The following ZMPSTE24 variants were observed in gnomAD, a reference collection of about 807,000 sequenced individuals.
The protein encoded by ZMPSTE24 is CAAX prenyl protease 1 homolog.
In ZMPSTE24, 48 loss-of-function variants were observed where a neutral mutation model predicts 56.7. That is an observed-to-expected ratio of 0.85 (90% CI 0.67 to 1.08). ZMPSTE24 has a LOEUF of 1.08. Among genes scored for constraint, ZMPSTE24 ranks in the 50% least tolerant of loss-of-function variants. ZMPSTE24 has a pLI of 0.00. For synonymous variants in ZMPSTE24, 172 were observed against 195.2 expected (o/e 0.88, Z 0.99); for missense variants, 503 against 548.7 (o/e 0.92, Z 0.83).
chr1:40,268,044 G>T (rs981564807), intron 3 of ZMPSTE24, among the ~76,000 whole-genome samples, 172 bp downstream of exon 3: 3 of 152,204 alleles, frequency 2.0e-5, no homozygotes, highest in Non-Finnish European at 4.4e-5. Flanking sequence ...ACAAATCCCA[G>T]AATATCACAG....
rs1643858658 is a variant in ZMPSTE24, at chr1:40,292,942, A to G, written c.*273A>G. 5.4e-6 allele frequency: 2 copies of G among 367,356 alleles called. No homozygotes were observed. The highest frequency in any genetic ancestry group is 8.4e-5 in the Admixed American group (2 of 23,696). 22.8% of individuals were successfully genotyped at this position (367,356 alleles called of 1,614,324 possible). ...GTTGTAAAATTATTTGGAAAAATAC[A>G]GAACTCGTTTTATTTGTATACTTAT... is the stretch of plus-strand genomic sequence containing the variant. On this transcript the variant is annotated 3_prime_UTR_variant, in exon 10 of 10. Coordinates refer to ENST00000372759, the MANE Select transcript of ZMPSTE24 (RefSeq NM_005857.5).
At position 40,270,117 on chromosome 1, in the gene ZMPSTE24, T is replaced by G; in HGVS notation, c.617T>G (p.Val206Gly). The G allele has an allele frequency of 6.2e-7, 1 of 1,614,004 alleles. No homozygotes were observed. Among genetic ancestry groups the G allele is most frequent in the Non-Finnish European group, 8.5e-7 (1 of 1,179,944 alleles). The change falls in exon 5 of 10, where the codon GTT (valine) becomes GGT (glycine). Residue 206 changes from valine to glycine, a missense_variant. Val to Gly is a moderately radical substitution (Grantham distance 109, BLOSUM62 -3). Transcript: ENST00000372759. ...FFIYAWLFTLVVSLVLVTIYA... is the reference protein window; with the variant it reads ...FFIYAWLFTLGVSLVLVTIYA... Reference sequence around the variant, plus strand: ...ATTTATGCCTGGCTGTTCACATTAGTTGTGTCTCTGGTGAGTAAAATCTTT... The same window carrying G: ...ATTTATGCCTGGCTGTTCACATTAGGTGTGTCTCTGGTGAGTAAAATCTTT...
chr1:40,281,530 G>A lies in ZMPSTE24; in HGVS notation c.954+3G>A, dbSNP rs112612481. On this transcript the variant is annotated splice_donor_region_variant and intron_variant, in intron 7 of 9. Transcript: ENST00000372759. Reference sequence around the variant, plus strand: ...AAGAAATAAAAGCTAAAGTTAAAGTGAGTTATTTTTTCCTAAGAGATTCTA... The same window carrying A: ...AAGAAATAAAAGCTAAAGTTAAAGTAAGTTATTTTTTCCTAAGAGATTCTA... 950 of 1,613,510 alleles carry A rather than the reference G, an allele frequency of 5.9e-4. 13 individuals carry two copies. In the African/African-American group the frequency reaches 0.011, roughly 19 times the overall value.
At chr1:40,268,777 T>TA (rs1643582163) in intron 4 of ZMPSTE24, among the ~76,000 whole-genome samples, 2 of 151,740 alleles carry the variant, frequency 1.3e-5, no homozygotes, top group South Asian at 4.2e-4. Context: ...AACACTGATT[T>TA]TAAAAAAAAA....
At chr1:40,280,138 C>T (rs563773209) in intron 6 of ZMPSTE24, among the ~76,000 whole-genome samples, 5 of 152,244 alleles carry the variant, frequency 3.3e-5, no homozygotes, top group South Asian at 2.1e-4. Flanking sequence ...AAATGCCAAA[C>T]GACCGTAGAA....
intron 9 of ZMPSTE24, among the ~76,000 whole-genome samples, chr1:40,291,839 C>CT (rs769515049): frequency 0.014 from 1,820 of 132,910 alleles, 26 homozygotes; most frequent in African/African-American, 0.03. Flanking sequence ...TCTTAAAACT[C>CT]TTTTTTTTTT....
intron 6 of ZMPSTE24, among the ~76,000 whole-genome samples, chr1:40,276,424 C>G (rs565709032): frequency 1.1e-4 from 17 of 152,098 alleles, no homozygotes; most frequent in African/African-American, 4.1e-4. Context: ...AGGAAGAAAA[C>G]CAGGAGAAAC....
At chr1:40,269,761 C>T (rs571055640) in intron 4 of ZMPSTE24, among the ~76,000 whole-genome samples, 57 of 152,306 alleles carry the variant, frequency 3.7e-4, no homozygotes, top group African/African-American at 1.3e-3. Context: ...CCACTGCACT[C>T]GTCCTCAGTT....
chr1:40,290,761 C>T, intron 8 of ZMPSTE24, 93 bp from the exon 9 acceptor site: 1 of 1,526,426 alleles, frequency 6.6e-7, no homozygotes, highest in South Asian at 1.1e-5. Context: ...CGCGCCCGGC[C>T]ACACTGTGAT....
At chr1:40,279,692 G>A (rs1643707720) in intron 6 of ZMPSTE24, among the ~76,000 whole-genome samples, 1 of 152,260 alleles carries the variant, frequency 6.6e-6, no homozygotes, top group Middle Eastern at 3.4e-3. Context: ...TGCGATGTTC[G>A]GTTGGGTGTT....
chr1:40,280,309 C>T (rs1466569959), intron 6 of ZMPSTE24, among the ~76,000 whole-genome samples: 3 of 152,150 alleles, frequency 2.0e-5, no homozygotes, highest in African/African-American at 7.2e-5. Flanking sequence ...ACCACCACTG[C>T]GCTGTACGTT....
chr1:40,268,267 T>C, intron 3 of ZMPSTE24, 152 bp from the exon 4 acceptor site: 1 of 667,146 alleles, frequency 1.5e-6, no homozygotes. Flanking sequence ...AAGTAAACTT[T>C]TTTGAAGGCA....
At chr1:40,273,543 T>A (rs866017347) in intron 6 of ZMPSTE24, among the ~76,000 whole-genome samples, 623 of 61,364 alleles carry the variant, frequency 0.01, 13 homozygotes, top group African/African-American at 0.046. Flanking sequence ...AAAAAATATA[T>A]ATATATATAT....
chr1:40,275,096 G>A (rs1443328790), intron 6 of ZMPSTE24, among the ~76,000 whole-genome samples: 2 of 151,970 alleles, frequency 1.3e-5, no homozygotes, highest in Non-Finnish European at 2.9e-5. Flanking sequence ...AACCAACTGT[G>A]GCTGATTTAA....
chr1:40,274,552 A>G (rs1047287607), intron 6 of ZMPSTE24, among the ~76,000 whole-genome samples: 1 of 152,228 alleles, frequency 6.6e-6, no homozygotes, highest in African/African-American at 2.4e-5. Flanking sequence ...GAAGAAGTCC[A>G]GTGTGGCTGC....
chr1:40,273,534 AAAAATATATATATATAT>A (rs1643634541), intron 6 of ZMPSTE24, among the ~76,000 whole-genome samples: 1 of 79,720 alleles, frequency 1.3e-5, no homozygotes, highest in Non-Finnish European at 2.2e-5. Flanking sequence ...AAAAAAAAAA[AAAAATATATATATATAT>A]ATATATATAT....
In ZMPSTE24 at chr1:40,258,338, G is replaced by T. The variant is rs759336942; in HGVS notation, c.67G>T (p.Val23Leu). ...GGCCGAGAAGCGTATCTTCGGGGCC[G>T]TGCTGCTCTTTTCCTGGACAGTGTA... ...MPAEKRIFGA[V>L]LLFSWTVYLW... is the part of the protein sequence containing the mutation. The change falls in exon 1 of 10, where the codon GTG (valine) becomes TTG (leucine). Residue 23 changes from valine (V) to leucine (L), a missense_variant. Physicochemically the swap from Val to Leu is conservative, Grantham distance 32. Transcript: ENST00000372759. 4.3e-6 allele frequency: 7 copies of T among 1,614,080 alleles called. No homozygotes were observed. Among genetic ancestry groups the T allele is most frequent in the Admixed American group, 1.7e-5 (1 of 60,000 alleles).
chr1:40,258,518 T>A (rs1643461855), intron 1 of ZMPSTE24, 124 bp downstream of exon 1: 1 of 1,540,936 alleles, frequency 6.5e-7, no homozygotes, highest in African/African-American at 1.4e-5. Flanking sequence ...TGGTCCCTGC[T>A]GAGTCTCGTA....
intron 2 of ZMPSTE24, 34 bp downstream of exon 2, chr1:40,261,019 C>G (rs1286319316): frequency 1.2e-6 from 2 of 1,613,206 alleles, no homozygotes; most frequent in Admixed American, 3.3e-5. Flanking sequence ...GACAGTCTGT[C>G]TGGTTGTTTT....
Sources: gnomAD v4.1 joint callset for allele counts (sites outside exome capture counted in the v4.1 genomes callset) on GRCh38, gnomAD v4.1.1 for gene constraint, MANE v1.5 for transcripts, NCBI Gene and HGNC (gene_info 2026-07-23, HGNC 2026-07-21) for gene names.